Variants in CELF2 observed in about 807,000 individuals in gnomAD.
CELF2 encodes CUGBP Elav-like family member 2.
A neutral mutation model predicts 62.6 loss-of-function variants in CELF2; 8 were observed. That is an observed-to-expected ratio of 0.13 (90% confidence interval 0.07 to 0.23). The LOEUF (loss-of-function observed/expected upper bound fraction) is 0.23. Among genes scored for constraint, CELF2 ranks in the 10% least tolerant of loss-of-function variants. CELF2 has a pLI of 1.00. For synonymous variants in CELF2, 258 were observed against 250.0 expected (o/e 1.03, Z -0.30); for missense variants, 333 against 671.0 (o/e 0.50, Z 5.56).
intron 2 of CELF2, among the ~76,000 whole-genome samples, chr10:11,208,831 G>T (rs2061076324): frequency 6.6e-6 from 1 of 152,178 alleles, no homozygotes; most frequent in Non-Finnish European, 1.5e-5. Context: ...GGGGGTCAGA[G>T]AGAAACTTTT....
At chr10:10,758,216 G>C in the CELF2 span, among the ~76,000 whole-genome samples, 3 of 152,186 alleles carry the variant, frequency 2.0e-5, no homozygotes, top group Admixed American at 2.0e-4. Context: ...ATAACACCTG[G>C]ACTGCTGACT....
At chr10:11,070,976 G>A (rs2069765954) in intron 1 of CELF2, among the ~76,000 whole-genome samples, 1 of 152,194 alleles carries the variant, frequency 6.6e-6, no homozygotes, top group Non-Finnish European at 1.5e-5. Context: ...AAGAAAAGAA[G>A]GGGATAGTAT....
At chr10:10,985,217 A>C (rs191456743) in intron 2 of CELF2, among the ~76,000 whole-genome samples, 15 of 152,308 alleles carry the variant, frequency 9.8e-5, no homozygotes, top group Admixed American at 9.1e-4. Context: ...ACAGGGGTTC[A>C]CATTTTGGTG....
chr10:10,655,925 G>A, the CELF2 span, among the ~76,000 whole-genome samples: 1 of 132,488 alleles, frequency 7.5e-6, no homozygotes, highest in African/African-American at 2.8e-5. Context: ...TACCATGAGA[G>A]TGAACAGGCA....
At chr10:11,077,384 C>T (rs575501189) in intron 1 of CELF2, among the ~76,000 whole-genome samples, 2 of 152,154 alleles carry the variant, frequency 1.3e-5, no homozygotes, top group African/African-American at 4.8e-5. Context: ...TGAAATAATC[C>T]CAAGTGGGTC....
chr10:10,549,989 C>T, the CELF2 span, among the ~76,000 whole-genome samples: 3,857 of 152,284 alleles, frequency 0.025, 155 homozygotes, highest in African/African-American at 0.088. Context: ...AAACACCATA[C>T]ACATTTGACC....
the CELF2 span, among the ~76,000 whole-genome samples, chr10:10,637,866 G>A: frequency 6.6e-6 from 1 of 152,192 alleles, no homozygotes; most frequent in African/African-American, 2.4e-5. Context: ...GGGTTAAGTA[G>A]AATTTCTGAG....
At chr10:10,531,532 A>T in the CELF2 span, among the ~76,000 whole-genome samples, 3 of 152,096 alleles carry the variant, frequency 2.0e-5, no homozygotes, top group Admixed American at 6.6e-5. Context: ...TTCACATCCT[A>T]TTCTGAATCA....
chr10:10,532,892 A>AG, the CELF2 span, among the ~76,000 whole-genome samples: 1 of 148,876 alleles, frequency 6.7e-6, no homozygotes, highest in Admixed American at 6.7e-5. Flanking sequence ...ATCTCAAAAA[A>AG]AAAAAAAAAT....
At chr10:11,028,718 CTTTTT>C (rs71378776) in intron 1 of CELF2, among the ~76,000 whole-genome samples, 4 of 125,170 alleles carry the variant, frequency 3.2e-5, no homozygotes, top group Non-Finnish European at 6.6e-5. Flanking sequence ...CGCACCCAGC[CTTTTT>C]TTTTTTTTTT....
At chr10:10,763,318 C>T in the CELF2 span, among the ~76,000 whole-genome samples, 1 of 152,182 alleles carries the variant, frequency 6.6e-6, no homozygotes, top group Non-Finnish European at 1.5e-5. Flanking sequence ...CACATGAGAG[C>T]AATCATATCC....
At chr10:10,626,442 A>G in the CELF2 span, among the ~76,000 whole-genome samples, 1 of 152,166 alleles carries the variant, frequency 6.6e-6, no homozygotes, top group Non-Finnish European at 1.5e-5. Flanking sequence ...ACAGCATGTA[A>G]ATTTCCTAAA....
At chr10:11,313,581 A>G (rs1838206845) in intron 9 of CELF2, among the ~76,000 whole-genome samples, 1 of 152,246 alleles carries the variant, frequency 6.6e-6, no homozygotes, top group African/African-American at 2.4e-5. Flanking sequence ...CTTCCCATGA[A>G]GAAATACAAA....
intron 1 of CELF2, among the ~76,000 whole-genome samples, chr10:11,078,004 T>C (rs2072627218): frequency 6.6e-6 from 1 of 151,948 alleles, no homozygotes; most frequent in African/African-American, 2.4e-5. Context: ...AAAATAGAAA[T>C]GAGAGCTGGG....
chr10:10,785,355 A>G, the CELF2 span, among the ~76,000 whole-genome samples: 1 of 152,236 alleles, frequency 6.6e-6, no homozygotes, highest in Admixed American at 6.5e-5. Context: ...GATATGATCT[A>G]GCAATCACAC....
At chr10:10,955,803 G>A (rs1002356388) in intron 2 of CELF2, among the ~76,000 whole-genome samples, 4 of 152,180 alleles carry the variant, frequency 2.6e-5, no homozygotes, top group Non-Finnish European at 5.9e-5. Flanking sequence ...ACTGTTGTAG[G>A]AAGATTCTGT....
chr10:10,957,816 A>C lies in CELF2; in HGVS notation c.89+37817A>C, dbSNP rs952190065. The stretch of plus-strand genomic sequence containing the variant: ...TTCATCGGTTTTCCCCATCTTCCTA[A>C]TTGGGATCACATTCTCTGCTAAGTC... On this transcript the variant is annotated intron_variant, in intron 2 of 13. Transcript: ENST00000636488. The surrounding 1 kb of genome is among the most constrained non-coding windows in gnomAD (Gnocchi z 4.1). Among the ~76,000 whole-genome samples the C allele has an allele frequency of 6.6e-6, 1 of 152,146 alleles. No individual in the cohort carries two copies. Among genetic ancestry groups the C allele is most frequent in the Non-Finnish European group, 1.5e-5 (1 of 68,032 alleles).
At chr10:10,987,177 T>C (rs1378369911) in intron 2 of CELF2, among the ~76,000 whole-genome samples, 1 of 151,626 alleles carries the variant, frequency 6.6e-6, no homozygotes, top group Non-Finnish European at 1.5e-5. Context: ...ATTCCAAAAC[T>C]CCAACAGCAA....
intron 1 of CELF2, among the ~76,000 whole-genome samples, chr10:10,883,406 G>A (rs540449650): frequency 6.6e-6 from 1 of 152,316 alleles, no homozygotes; most frequent in African/African-American, 2.4e-5. Context: ...GGAAAATAAT[G>A]TTTTATTCAA....
Sources: gnomAD v4.1 joint callset for allele counts (sites outside exome capture counted in the v4.1 genomes callset) on GRCh38, gnomAD v4.1.1 for gene constraint, Gnocchi (gnomAD v3.1) non-coding constraint, MANE v1.5 for transcripts, NCBI Gene and HGNC (gene_info 2026-07-23, HGNC 2026-07-21) for gene names.